SLC39A8: variants seen among roughly 807,000 people sequenced by gnomAD.
The protein encoded by SLC39A8 is metal cation symporter ZIP8.
SLC39A8 carries 15 observed loss-of-function variants against 40.4 expected under a neutral mutation model. The ratio of observed to expected loss-of-function variants is 0.37; its 90% confidence interval spans 0.25 to 0.57. The LOEUF (loss-of-function observed/expected upper bound fraction) is 0.57. SLC39A8 is among the 20% of genes least tolerant of loss of function. SLC39A8 has a pLI of 0.75. For missense variants in SLC39A8, 472 were observed against 558.8 expected (o/e 0.84, Z 1.57); for synonymous variants, 223 against 221.6 (o/e 1.01, Z -0.06).
intron 2 of SLC39A8, among the ~76,000 whole-genome samples, chr4:102,337,814 A>T (rs1406627901): frequency 6.6e-6 from 1 of 152,230 alleles, no homozygotes; most frequent in East Asian, 1.9e-4. Flanking sequence ...CATAGAAGAA[A>T]GTACTATTGT....
intron 6 of SLC39A8, among the ~76,000 whole-genome samples, chr4:102,292,158 T>C (rs544558217): frequency 2.6e-5 from 4 of 152,182 alleles, no homozygotes; most frequent in African/African-American, 9.6e-5. Context: ...TAGCATAATG[T>C]ATAGTTCAAA....
downstream of SLC39A8, among the ~76,000 whole-genome samples, chr4:102,259,075 A>T (rs1731779075): frequency 6.6e-6 from 1 of 152,166 alleles, no homozygotes; most frequent in Non-Finnish European, 1.5e-5. Flanking sequence ...GAGCCTCTCT[A>T]CAGACACCAC....
downstream of SLC39A8, chr4:102,251,049 T>C (rs80137092): frequency 0.056 from 8,575 of 152,308 alleles, 386 homozygotes; most frequent in South Asian, 0.13. Context: ...GGAATGTTTG[T>C]TTAAATTTAT....
intron 2 of SLC39A8, among the ~76,000 whole-genome samples, chr4:102,320,843 C>G (rs973802223): frequency 6.7e-6 from 1 of 148,712 alleles, no homozygotes; most frequent in African/African-American, 2.5e-5. Flanking sequence ...TCTAACATAC[C>G]CCTATTGCAA....
intron 3 of SLC39A8, among the ~76,000 whole-genome samples, chr4:102,310,685 G>C (rs1023456280): frequency 1.3e-5 from 2 of 152,046 alleles, no homozygotes; most frequent in African/African-American, 4.8e-5. Flanking sequence ...AAAATGTCTG[G>C]AGTTTCCATT....
exon 12 of SLC39A8, chr4:102,251,124 T>C (rs890608957): frequency 1.3e-5 from 2 of 152,252 alleles, no homozygotes; most frequent in Non-Finnish European, 2.9e-5. Context: ...ATATAATGTA[T>C]GTATATGTGA....
Position 102,316,969 on chromosome 4 carries a change from A to G in SLC39A8, c.220-1139T>C, listed in dbSNP as rs568525563. ...AGGAAGCGAGAAAATGCTCTCTGTG[A>G]CCCAAGGAGAGAGCCCTCACAGACA... On this transcript the variant is annotated intron_variant, in intron 2 of 8. Coordinates refer to ENST00000356736, the MANE Select transcript of SLC39A8 (RefSeq NM_001135146.2). Among the ~76,000 whole-genome samples, 5 of 152,296 alleles carry G rather than the reference A, an allele frequency of 3.3e-5. No homozygotes were observed. The East Asian group carries it at 9.7e-4, about 29-fold the overall frequency.
intron 6 of SLC39A8, among the ~76,000 whole-genome samples, chr4:102,275,993 G>C (rs1211070055): frequency 6.6e-6 from 1 of 152,196 alleles, no homozygotes; most frequent in Admixed American, 6.5e-5. Context: ...GCAGTGTTTA[G>C]AGGGAAACTT....
chr4:102,316,287 G>A (rs1032912701), intron 2 of SLC39A8, among the ~76,000 whole-genome samples: 2 of 152,158 alleles, frequency 1.3e-5, no homozygotes, highest in East Asian at 3.9e-4. Context: ...ACAGTTTCAT[G>A]CTAAGAAATT....
At chr4:102,273,523 C>T (rs538171071) in intron 6 of SLC39A8, among the ~76,000 whole-genome samples, 50 of 152,276 alleles carry the variant, frequency 3.3e-4, no homozygotes, top group African/African-American at 9.1e-4. Context: ...GCGCAGCTTC[C>T]GCCGACTTAA....
Position 102,315,662 on chromosome 4 carries a change from A to G in SLC39A8, c.382+6T>C. ...AAATAAAAGAGAAAAAATGCTTCTA[A>G]TATACCTTCTGAATGACTTGGTCTT... On this transcript the variant is annotated splice_donor_region_variant and intron_variant, in intron 3 of 8. Transcript: ENST00000356736. The G allele has an allele frequency of 6.3e-7, 1 of 1,598,340 alleles. No homozygotes were observed. The highest frequency in any genetic ancestry group is 8.5e-7 in the Non-Finnish European group (1 of 1,173,310).
At chr4:102,267,435 G>T in intron 8 of SLC39A8, 55 bp downstream of exon 8, 1 of 1,484,282 alleles carries the variant, frequency 6.7e-7, no homozygotes. Context: ...TTATAATCCA[G>T]ATACTCATTT....
chr4:102,281,339 CAG>C (rs568193658), intron 6 of SLC39A8, among the ~76,000 whole-genome samples: 7 of 152,256 alleles, frequency 4.6e-5, no homozygotes, highest in Admixed American at 2.0e-4. Flanking sequence ...TATGAGAAAA[CAG>C]GGGTAGGATG....
chr4:102,334,324 G>C (rs554616721), intron 2 of SLC39A8, among the ~76,000 whole-genome samples: 1 of 152,320 alleles, frequency 6.6e-6, no homozygotes, highest in Admixed American at 6.5e-5. Context: ...TGGGGACTTT[G>C]TCTAACTTTT....
At chr4:102,309,596 T>C (rs1320195254) in intron 3 of SLC39A8, among the ~76,000 whole-genome samples, 1 of 152,104 alleles carries the variant, frequency 6.6e-6, no homozygotes, top group African/African-American at 2.4e-5. Flanking sequence ...CATGCCTTCA[T>C]TCATTCAACA....
At chr4:102,326,223 G>T (rs901096599) in intron 2 of SLC39A8, among the ~76,000 whole-genome samples, 1 of 152,196 alleles carries the variant, frequency 6.6e-6, no homozygotes, top group Admixed American at 6.5e-5. Flanking sequence ...AGTGTGGAGG[G>T]CATGCTGCTT....
chr4:102,328,898 G>T (rs1441297995), intron 2 of SLC39A8, among the ~76,000 whole-genome samples: 1 of 152,022 alleles, frequency 6.6e-6, no homozygotes, highest in Non-Finnish European at 1.5e-5. Context: ...CTTGGTGGTG[G>T]GCGCCTGTAG....
chr4:102,259,600 C>G, downstream of SLC39A8: 1 of 1,047,286 alleles, frequency 9.5e-7, no homozygotes, highest in Non-Finnish European at 1.4e-6. Flanking sequence ...AAATCTAGCC[C>G]CGCCATGGCT....
At chr4:102,258,338 T>G (rs1217715900), downstream of SLC39A8, among the ~76,000 whole-genome samples, 1 of 152,132 alleles carries the variant, frequency 6.6e-6, no homozygotes, top group Admixed American at 6.5e-5. Context: ...ACTTTTAATT[T>G]TATTCCTCAC....
Sources: gnomAD v4.1 joint callset for allele counts (sites outside exome capture counted in the v4.1 genomes callset) on GRCh38, gnomAD v4.1.1 for gene constraint, MANE v1.5 for transcripts, NCBI Gene and HGNC (gene_info 2026-07-23, HGNC 2026-07-21) for gene names.